GPC6: variants seen among roughly 807,000 people sequenced by gnomAD.
The protein encoded by GPC6 is glypican-6.
GPC6 carries 14 observed loss-of-function variants against 55.2 expected under a neutral mutation model. That is an observed-to-expected ratio of 0.25 (90% CI 0.17 to 0.40). GPC6 has a LOEUF of 0.40. Ranked by LOEUF, GPC6 falls within the 10% of genes least tolerant of loss-of-function variation. GPC6 has a pLI of 1.00. For missense variants in GPC6, 641 were observed against 708.5 expected, an observed-to-expected ratio of 0.90 and a Z score of 1.08; for synonymous variants, 278 against 259.6, an observed-to-expected ratio of 1.07 and a Z score of -0.68.
At chr13:93,340,312 G>A (rs2139149422) in intron 1 of GPC6, among the ~76,000 whole-genome samples, 1 of 152,178 alleles carries the variant, frequency 6.6e-6, no homozygotes, top group East Asian at 1.9e-4. Flanking sequence ...GGGATTATAG[G>A]CGTGAGCCAC....
intron 2 of GPC6, among the ~76,000 whole-genome samples, chr13:93,705,940 T>C (rs9524175): frequency 0.48 from 72,338 of 151,254 alleles, 19,664 homozygotes; most frequent in Middle Eastern, 0.75. Flanking sequence ...GAAACATGAA[T>C]ACATACAGAA....
intron 2 of GPC6, among the ~76,000 whole-genome samples, chr13:93,673,805 G>A (rs1024134979): frequency 2.0e-5 from 3 of 152,028 alleles, no homozygotes; most frequent in Admixed American, 6.6e-5. Flanking sequence ...TCCAAATGAC[G>A]TGTATTTGGC....
At chr13:94,098,320 A>G (rs1156271919) in intron 4 of GPC6, among the ~76,000 whole-genome samples, 2 of 152,176 alleles carry the variant, frequency 1.3e-5, no homozygotes, top group African/African-American at 4.8e-5. Context: ...ATTAATGGAT[A>G]TTTGACCCAT....
intron 3 of GPC6, among the ~76,000 whole-genome samples, chr13:93,896,997 T>C (rs1876050728): frequency 6.6e-6 from 1 of 151,922 alleles, no homozygotes; most frequent in Non-Finnish European, 1.5e-5. Context: ...TTTTTTTTTT[T>C]TTTAACATTT....
chr13:94,234,148 T>G (rs1205322511), intron 4 of GPC6, among the ~76,000 whole-genome samples: 1 of 152,100 alleles, frequency 6.6e-6, no homozygotes, highest in Non-Finnish European at 1.5e-5. Context: ...AGAAGAGACA[T>G]CTGGGGAAAC....
intron 4 of GPC6, among the ~76,000 whole-genome samples, chr13:94,177,518 C>T (rs1281565563): frequency 1.3e-5 from 2 of 151,836 alleles, no homozygotes; most frequent in African/African-American, 4.8e-5. Context: ...AGTTAGCAAA[C>T]ATCAAAGTAA....
chr13:94,208,238 A>G (rs1301004820), intron 4 of GPC6, among the ~76,000 whole-genome samples: 1 of 152,218 alleles, frequency 6.6e-6, no homozygotes, highest in Non-Finnish European at 1.5e-5. Flanking sequence ...ACATTTTTAC[A>G]AAGTGTGTTT....
chr13:93,384,108 T>C (rs1184076108), intron 1 of GPC6, among the ~76,000 whole-genome samples: 1 of 152,128 alleles, frequency 6.6e-6, no homozygotes, highest in African/African-American at 2.4e-5. Flanking sequence ...ATGAAGACAA[T>C]TTGATAATAA....
intron 1 of GPC6, among the ~76,000 whole-genome samples, chr13:93,438,204 A>T (rs1488097598): frequency 2.0e-5 from 3 of 152,286 alleles, no homozygotes; most frequent in Non-Finnish European, 2.9e-5. Flanking sequence ...ATGTACAAGG[A>T]GATTCATGTT....
intron 1 of GPC6, among the ~76,000 whole-genome samples, chr13:93,440,727 G>A (rs1218150160): frequency 6.6e-6 from 1 of 151,274 alleles, no homozygotes; most frequent in Non-Finnish European, 1.5e-5. Flanking sequence ...TAAGTTCTAG[G>A]GTACATGTGC....
intron 6 of GPC6, among the ~76,000 whole-genome samples, chr13:94,353,588 T>TACAC (rs367731617): frequency 1.3e-5 from 2 of 151,322 alleles, no homozygotes; most frequent in African/African-American, 2.4e-5. Flanking sequence ...TATATATATA[T>TACAC]ACACACACAC....
chr13:93,967,572 G>A (rs973548247), intron 3 of GPC6, among the ~76,000 whole-genome samples: 3 of 152,100 alleles, frequency 2.0e-5, no homozygotes, highest in Non-Finnish European at 2.9e-5. Context: ...TGCAACAAAT[G>A]TTTCTGCTTC....
intron 6 of GPC6, among the ~76,000 whole-genome samples, chr13:94,378,373 G>T (rs1401427827): frequency 6.6e-6 from 1 of 152,080 alleles, no homozygotes; most frequent in Non-Finnish European, 1.5e-5. Flanking sequence ...AGGTGAATTT[G>T]TCACAGAAGA....
At chr13:94,049,460 A>G (rs1351815832) in intron 4 of GPC6, among the ~76,000 whole-genome samples, 2 of 152,062 alleles carry the variant, frequency 1.3e-5, no homozygotes, top group Admixed American at 6.6e-5. Context: ...GATACCTGGG[A>G]CCTGGTTGAG....
intron 4 of GPC6, among the ~76,000 whole-genome samples, chr13:94,283,822 G>A (rs1892454660): frequency 6.6e-6 from 1 of 152,192 alleles, no homozygotes; most frequent in Admixed American, 6.6e-5. Context: ...TCCAAGAGCA[G>A]AGTTAAAAAT....
intron 1 of GPC6, among the ~76,000 whole-genome samples, chr13:93,465,715 C>G: frequency 6.6e-6 from 1 of 152,164 alleles, no homozygotes; most frequent in East Asian, 1.9e-4. Flanking sequence ...TGGAGTAACA[C>G]TTTTAATTTT....
At chr13:93,420,330 T>C (rs1053988522) in intron 1 of GPC6, among the ~76,000 whole-genome samples, 4 of 152,132 alleles carry the variant, frequency 2.6e-5, no homozygotes, top group African/African-American at 9.7e-5. Flanking sequence ...GAAAGGTCTT[T>C]TGAGGAGGTG....
intron 1 of GPC6, among the ~76,000 whole-genome samples, chr13:93,535,515 A>T (rs943363342): frequency 3.3e-5 from 5 of 152,096 alleles, no homozygotes; most frequent in African/African-American, 1.2e-4. Context: ...CCATGAATGA[A>T]TAAGTGTGGC....
intron 3 of GPC6, among the ~76,000 whole-genome samples, chr13:93,945,155 A>T (rs1878943736): frequency 6.6e-6 from 1 of 152,212 alleles, no homozygotes; most frequent in Non-Finnish European, 1.5e-5. Flanking sequence ...GAAAGTATGC[A>T]TATATGTCTA....
Sources: gnomAD v4.1 joint callset for allele counts (sites outside exome capture counted in the v4.1 genomes callset) on GRCh38, gnomAD v4.1.1 for gene constraint, MANE v1.5 for transcripts, NCBI Gene and HGNC (gene_info 2026-07-23, HGNC 2026-07-21) for gene names.